Variants in TMEM132E observed in about 807,000 individuals in gnomAD.
TMEM132E encodes transmembrane protein 132E.
TMEM132E carries 49 observed loss-of-function variants against 78.5 expected under a neutral mutation model. The observed-to-expected ratio is 0.62, with a 90% CI of 0.50 to 0.79. The LOEUF (loss-of-function observed/expected upper bound fraction) is 0.79, where lower values mean the gene tolerates loss of function less well. TMEM132E is among the 30% of genes least tolerant of loss of function. The pLI, the probability that TMEM132E is intolerant of heterozygous loss-of-function variation, is 0.00. For synonymous variants in TMEM132E, 715 were observed against 670.6 expected, an observed-to-expected ratio of 1.07 and a Z score of -1.02; for missense variants, 1,403 against 1,470.9, an observed-to-expected ratio of 0.95 and a Z score of 0.75.
chr17:34,604,634 A>C (rs1906352363), intron 1 of TMEM132E, among the ~76,000 whole-genome samples: 1 of 149,354 alleles, frequency 6.7e-6, no homozygotes, highest in South Asian at 2.2e-4. Flanking sequence ...CTGCATCTCC[A>C]CTAGTTCTCT....
At chr17:34,612,084 T>A (rs1317185418) in intron 1 of TMEM132E, among the ~76,000 whole-genome samples, 1 of 152,118 alleles carries the variant, frequency 6.6e-6, no homozygotes, top group African/African-American at 2.4e-5. Flanking sequence ...CAGGTGGCAG[T>A]GCCCTAGACC....
At chr17:34,585,928 T>C (rs557613715) in intron 1 of TMEM132E, among the ~76,000 whole-genome samples, 1 of 152,218 alleles carries the variant, frequency 6.6e-6, no homozygotes, top group Non-Finnish European at 1.5e-5. Context: ...ATACAGGATA[T>C]CTGGGTTCAA....
intron 8 of TMEM132E, among the ~76,000 whole-genome samples, chr17:34,636,470 AC>A (rs776412083): frequency 1.3e-5 from 2 of 151,612 alleles, no homozygotes; most frequent in African/African-American, 2.4e-5. Context: ...CCTCCACATC[AC>A]CCCCAGGAAG....
chr17:34,582,909 T>C (rs140471568), intron 1 of TMEM132E, among the ~76,000 whole-genome samples: 3 of 152,290 alleles, frequency 2.0e-5, no homozygotes, highest in East Asian at 1.9e-4. Flanking sequence ...GATGGGCAGC[T>C]CAAACTCTGT....
At chr17:34,636,837 C>A (rs1453648728) in intron 8 of TMEM132E, among the ~76,000 whole-genome samples, 1 of 152,184 alleles carries the variant, frequency 6.6e-6, no homozygotes, top group Non-Finnish European at 1.5e-5. Flanking sequence ...AGATATGGAG[C>A]TATTCCAGCA....
intron 1 of TMEM132E, among the ~76,000 whole-genome samples, chr17:34,601,975 G>A (rs1906255579): frequency 1.3e-5 from 2 of 152,208 alleles, no homozygotes; most frequent in South Asian, 4.1e-4. Context: ...CCCAGCATTT[G>A]GACTCACAGT....
intron 3 of TMEM132E, 50 bp downstream of exon 3, chr17:34,628,759 G>C: frequency 6.6e-7 from 1 of 1,517,050 alleles, no homozygotes; most frequent in Non-Finnish European, 8.8e-7. Context: ...GCAGCCATCT[G>C]AGAGGAGTGG....
chr17:34,619,030 C>T (rs369288285), intron 1 of TMEM132E, among the ~76,000 whole-genome samples: 7 of 152,162 alleles, frequency 4.6e-5, no homozygotes, highest in Admixed American at 2.0e-4. Context: ...AGGGCCAGTC[C>T]GTCCTACTCC....
chr17:34,589,256 G>C (rs1385522302), intron 1 of TMEM132E, among the ~76,000 whole-genome samples: 1 of 152,224 alleles, frequency 6.6e-6, no homozygotes, highest in Non-Finnish European at 1.5e-5. Context: ...GGAGGAGTGG[G>C]CTTGACCATT....
At position 34,629,038 on chromosome 17, in the gene TMEM132E, T is replaced by C; in HGVS notation, c.1172T>C (p.Leu391Ser). ...GAGGGCCAGGGCCCCTTGGAGATCT[T>C]GCAGCTGGACTTTGAAATGGAGAAC... is the stretch of plus-strand genomic sequence containing the variant. ...PREGQGPLEILQLDFEMENFT... is the reference protein window; with the variant it reads ...PREGQGPLEISQLDFEMENFT... The change falls in exon 4 of 9, where the codon TTG becomes TCG. Residue 391 changes from leucine (L) to serine (S), a missense_variant. Physicochemically the swap from Leu to Ser is moderately radical, Grantham distance 145. This residue lies in a region of TMEM132E where 888 missense variants were observed against 952.8 expected (regional missense o/e 0.93). Transcript: ENST00000631683. 6.3e-7 allele frequency: 1 copy of C among 1,579,258 alleles called. No individual in the cohort carries two copies. Among genetic ancestry groups the C allele is most frequent in the South Asian group, 1.2e-5 (1 of 85,034 alleles).
chr17:34,608,558 G>A (rs1219062856), intron 1 of TMEM132E, among the ~76,000 whole-genome samples: 1 of 152,202 alleles, frequency 6.6e-6, no homozygotes, highest in Non-Finnish European at 1.5e-5. Context: ...TAGCATATCT[G>A]TACTCATGAA....
intron 1 of TMEM132E, among the ~76,000 whole-genome samples, chr17:34,616,708 C>T (rs1307843286): frequency 1.3e-5 from 2 of 151,986 alleles, no homozygotes; most frequent in South Asian, 2.1e-4. Flanking sequence ...GAGGGAGGAG[C>T]TACAGGGCTG....
chr17:34,619,183 C>CTCATTCAT lies in TMEM132E; in HGVS notation c.68-6927_68-6920dup, dbSNP rs774401750. On this transcript the variant is annotated intron_variant, in intron 1 of 8. Coordinates refer to ENST00000631683, the MANE Select transcript of TMEM132E (RefSeq NM_001304438.2). ...GCACTAATCATGGCTCATGCCCCCT[C>CTCATTCAT]TCATTCATTCATTCATTCATTCATA... Among the ~76,000 whole-genome samples, 4 of 152,276 alleles carry CTCATTCAT rather than the reference C, an allele frequency of 2.6e-5. No homozygotes were observed. In the South Asian group the frequency reaches 6.2e-4, roughly 24 times the overall value.
chr17:34,604,601 T>G (rs1468990600), intron 1 of TMEM132E, among the ~76,000 whole-genome samples: 1 of 152,082 alleles, frequency 6.6e-6, no homozygotes, highest in African/African-American at 2.4e-5. Context: ...CCAACTCAGA[T>G]GACCATCTGC....
intron 5 of TMEM132E, among the ~76,000 whole-genome samples, chr17:34,631,919 G>A (rs1907360022): frequency 6.6e-6 from 1 of 152,184 alleles, no homozygotes; most frequent in Admixed American, 6.5e-5. Context: ...ATCTGCATTT[G>A]CCCTAAAGTA....
rs3221613 is a variant in TMEM132E at position 34,627,467 on chromosome 17, C to CATGTGTGTGTGTGTGT, written c.998+410_998+411insATGTGTGTGTGTGTGT. Among the ~76,000 whole-genome samples the CATGTGTGTGTGTGTGT allele has an allele frequency of 5.5e-5, 7 of 126,470 alleles. No individual in the cohort carries two copies. In the Admixed American group the frequency reaches 5.7e-4, roughly 10 times the overall value. 83.0% of individuals were successfully genotyped at this position (126,470 alleles called of 152,430 possible). ...CCTCTTGGCTGGGAGCCAAAAGAAT[C>CATGTGTGTGTGTGTGT]GTGTGTGTGTGTGTGTGTGTGTGTG... On this transcript the variant is annotated intron_variant, in intron 2 of 8. Transcript: ENST00000631683.
At chr17:34,628,743 C>A in intron 3 of TMEM132E, 34 bp downstream of exon 3, 3 of 1,543,538 alleles carry the variant, frequency 1.9e-6, no homozygotes. Flanking sequence ...CCCACCTCTT[C>A]GCAAAGCAGC....
Position 34,638,610 on chromosome 17 carries a change from T to G in TMEM132E, c.*378T>G, listed in dbSNP as rs1298626694. On this transcript the variant is annotated 3_prime_UTR_variant, in exon 9 of 9. Coordinates refer to ENST00000631683, the MANE Select transcript of TMEM132E (RefSeq NM_001304438.2). The stretch of plus-strand genomic sequence containing the variant: ...CGCTGTGTCCCGGGCCCGCCTCCCG[T>G]CCCCCGTGTCGTCCCCCTGTGCAGG... The G allele has an allele frequency of 5.0e-6, 1 of 199,936 alleles. No homozygotes were observed. The highest frequency in any genetic ancestry group is 1.2e-4 in the East Asian group (1 of 8,576). The allele number at this position is 199,936 out of a possible 1,614,324, so 12.4% of individuals were successfully genotyped here.
In TMEM132E at chr17:34,626,477, C is replaced by T; in HGVS notation, c.418C>T (p.Pro140Ser). Residue 140 changes from proline (P) to serine (S), a missense_variant, in exon 2 of 9, where the codon CCC (proline) becomes TCC (serine). This residue lies in a region of TMEM132E where 511 missense variants were observed against 499.0 expected (regional missense o/e 1.02). Coordinates refer to ENST00000631683, the MANE Select transcript of TMEM132E (RefSeq NM_001304438.2). ...CCGCTCGCACGTGCCCGCCTCGCAG[C>T]CCGTGGTCCAGGTGCTGTTCTACGT... is the stretch of plus-strand genomic sequence containing the variant. ...IVRSHVPASQ[P>S]VVQVLFYVAG... 1 of 1,612,706 alleles carries T rather than the reference C, an allele frequency of 6.2e-7. No homozygotes were observed. Among genetic ancestry groups the T allele is most frequent in the Non-Finnish European group, 8.5e-7 (1 of 1,179,814 alleles).
Sources: allele counts gnomAD v4.1 joint callset (sites outside exome capture counted in the v4.1 genomes callset), GRCh38; gene constraint gnomAD v4.1.1; regional missense constraint gnomAD v4.1.1; transcripts MANE v1.5; gene names NCBI Gene and HGNC (gene_info 2026-07-23, HGNC 2026-07-21).